TMEM117: variants seen among roughly 807,000 people sequenced by gnomAD.
TMEM117 encodes transmembrane protein 117.
In TMEM117, 27 loss-of-function variants were observed where a neutral mutation model predicts 52.4. The ratio of observed to expected loss-of-function variants is 0.51; its 90% CI spans 0.38 to 0.71. The LOEUF is 0.71. Among genes scored for constraint, TMEM117 ranks in the 30% least tolerant of loss-of-function variants. The pLI is 0.00. For synonymous variants in TMEM117, 215 were observed against 206.3 expected, an observed-to-expected ratio of 1.04 and a Z score of -0.36; for missense variants, 556 against 630.5, an observed-to-expected ratio of 0.88 and a Z score of 1.26.
At chr12:44,267,831 G>A (rs115886059) in intron 5 of TMEM117, among the ~76,000 whole-genome samples, 3,857 of 152,216 alleles carry the variant, frequency 0.025, 175 homozygotes, top group African/African-American at 0.088. Context: ...AGGAAATGCT[G>A]TGATTTTTGA....
intron 5 of TMEM117, among the ~76,000 whole-genome samples, chr12:44,259,087 G>T (rs1950292754): frequency 6.6e-6 from 1 of 152,056 alleles, no homozygotes; most frequent in Non-Finnish European, 1.5e-5. Context: ...TCATATTAGT[G>T]TTCTGTTATC....
chr12:44,162,185 G>A, intron 4 of TMEM117, among the ~76,000 whole-genome samples: 1 of 152,280 alleles, frequency 6.6e-6, no homozygotes, highest in Admixed American at 6.5e-5. Flanking sequence ...GCAACTTTGG[G>A]CACTGTATGT....
At chr12:44,293,576 G>C (rs1950731705) in intron 5 of TMEM117, among the ~76,000 whole-genome samples, 1 of 151,446 alleles carries the variant, frequency 6.6e-6, no homozygotes, top group African/African-American at 2.4e-5. Context: ...TGTCTTTTGT[G>C]TGTCTACTAG....
chr12:44,334,831 GA>G (rs879710102), intron 6 of TMEM117, among the ~76,000 whole-genome samples: 20 of 151,600 alleles, frequency 1.3e-4, no homozygotes, highest in African/African-American at 4.8e-4. Flanking sequence ...CATGATCTAA[GA>G]AAAAAAATTC....
At chr12:43,956,294 C>T (rs11182346) in intron 3 of TMEM117, among the ~76,000 whole-genome samples, 24,356 of 151,852 alleles carry the variant, frequency 0.16, 2,863 homozygotes, top group African/African-American at 0.32. Flanking sequence ...TGACAAATGG[C>T]GTCTAATTAA....
At chr12:44,116,795 C>G (rs1948151748) in intron 3 of TMEM117, among the ~76,000 whole-genome samples, 1 of 152,190 alleles carries the variant, frequency 6.6e-6, no homozygotes, top group Non-Finnish European at 1.5e-5. Context: ...CCTACAAATT[C>G]TATTGGTTCT....
At chr12:44,317,722 A>C (rs141804094) in intron 6 of TMEM117, among the ~76,000 whole-genome samples, 37 of 152,306 alleles carry the variant, frequency 2.4e-4, no homozygotes, top group African/African-American at 8.4e-4. Flanking sequence ...TTCTACCTAC[A>C]GGCCAGTAGA....
At chr12:44,346,877 T>C (rs1422857862) in intron 6 of TMEM117, among the ~76,000 whole-genome samples, 1 of 152,086 alleles carries the variant, frequency 6.6e-6, no homozygotes, top group Non-Finnish European at 1.5e-5. Context: ...TGCAAGTGGT[T>C]GTATTAGGTA....
intron 1 of TMEM117, among the ~76,000 whole-genome samples, chr12:43,843,064 A>T (rs762253475): frequency 3.3e-5 from 5 of 152,178 alleles, no homozygotes; most frequent in Non-Finnish European, 7.3e-5. Flanking sequence ...TGATAATAAC[A>T]GTATTTCAGG....
At chr12:44,059,655 A>G (rs912415128) in intron 3 of TMEM117, among the ~76,000 whole-genome samples, 1 of 152,220 alleles carries the variant, frequency 6.6e-6, no homozygotes, top group Non-Finnish European at 1.5e-5. Context: ...TCTGACAGGC[A>G]AGGGCTTACA....
chr12:44,194,624 G>A (rs749808919), intron 4 of TMEM117, among the ~76,000 whole-genome samples: 80 of 152,222 alleles, frequency 5.3e-4, no homozygotes, highest in Non-Finnish European at 4.9e-4. Flanking sequence ...TCAGGAGTTC[G>A]AGAACAGCCT....
intron 4 of TMEM117, among the ~76,000 whole-genome samples, chr12:44,187,187 A>G (rs1283343522): frequency 6.6e-6 from 1 of 152,010 alleles, no homozygotes; most frequent in Non-Finnish European, 1.5e-5. Context: ...CCAGACTTAT[A>G]TTTGCTTATT....
At chr12:43,887,602 C>A (rs981575627) in intron 2 of TMEM117, among the ~76,000 whole-genome samples, 1 of 152,162 alleles carries the variant, frequency 6.6e-6, no homozygotes, top group African/African-American at 2.4e-5. Context: ...GACAGGTGCC[C>A]CTGCTGCAGA....
rs367636168 is a variant in TMEM117, at chr12:44,119,483, C to A, written c.411-24042C>A. ...AGTGTAAACGTTTTGTTTTCATGAG[C>A]CCCAGCTTTGATCATTCCTATCTAT... On this transcript the variant is annotated intron_variant, in intron 3 of 7. Transcript: ENST00000266534. Among the ~76,000 whole-genome samples, 15 of 152,248 alleles carry A rather than the reference C, an allele frequency of 9.9e-5. No individual in the cohort carries two copies. In the East Asian group the frequency reaches 1.9e-3, roughly 20 times the overall value.
chr12:44,245,575 G>A (rs993836840), intron 5 of TMEM117, among the ~76,000 whole-genome samples: 1 of 150,170 alleles, frequency 6.7e-6, no homozygotes, highest in African/African-American at 2.4e-5. Context: ...TTATTTATCA[G>A]TTCTAACGTT....
the TMEM117 span, among the ~76,000 whole-genome samples, chr12:43,813,231 G>GTTTTTTTTTTTTTTTTTTTT: frequency 1.9e-4 from 12 of 62,666 alleles, no homozygotes; most frequent in Non-Finnish European, 3.5e-4. Context: ...GTTTTCTCTT[G>GTTTTTTTTTTTTTTTTTTTT]TTTTTTTTTT....
At chr12:43,863,934 C>T (rs180772433) in intron 2 of TMEM117, among the ~76,000 whole-genome samples, 3 of 152,256 alleles carry the variant, frequency 2.0e-5, no homozygotes, top group African/African-American at 4.8e-5. Context: ...CTGCGCCCGG[C>T]GCTTGCGGGC....
chr12:44,392,121 G>A (rs1262844306), downstream of TMEM117, among the ~76,000 whole-genome samples: 1 of 152,136 alleles, frequency 6.6e-6, no homozygotes, highest in African/African-American at 2.4e-5. Context: ...GCTCAGAAAC[G>A]TTTGGGTTGC....
At chr12:44,319,887 T>C (rs1427504037) in intron 6 of TMEM117, among the ~76,000 whole-genome samples, 2 of 152,216 alleles carry the variant, frequency 1.3e-5, no homozygotes, top group Non-Finnish European at 2.9e-5. Context: ...TTCCTCTAGC[T>C]GTCCATTATA....
Sources: gnomAD v4.1 joint callset for allele counts (sites outside exome capture counted in the v4.1 genomes callset) on GRCh38, gnomAD v4.1.1 for gene constraint, MANE v1.5 for transcripts, NCBI Gene and HGNC (gene_info 2026-07-23, HGNC 2026-07-21) for gene names.